IL1RAPL2: variants seen among roughly 807,000 people sequenced by gnomAD.
IL1RAPL2 encodes the protein X-linked interleukin-1 receptor accessory protein-like 2.
A neutral mutation model predicts 44.1 loss-of-function variants in IL1RAPL2; 3 were observed. That is an observed-to-expected ratio of 0.07 (90% CI 0.03 to 0.18). The LOEUF is 0.18. Ranked by LOEUF, IL1RAPL2 falls within the 10% of genes least tolerant of loss-of-function variation. The pLI is 1.00. For synonymous variants in IL1RAPL2, 181 were observed against 178.8 expected, an observed-to-expected ratio of 1.01 and a Z score of -0.10; for missense variants, 391 against 496.4, an observed-to-expected ratio of 0.79 and a Z score of 2.02.
chrX:105,082,985 G>T (rs2032433760), intron 2 of IL1RAPL2, among the ~76,000 whole-genome samples: 1 of 111,132 alleles, frequency 9.0e-6, no homozygotes, highest in African/African-American at 3.3e-5. Flanking sequence ...TTCAGAAGGT[G>T]AGTAATAATG....
intron 3 of IL1RAPL2, chrX:105,220,134 G>A: frequency 8.3e-7 from 1 of 1,211,652 alleles, no homozygotes; most frequent in Non-Finnish European, 1.1e-6. Flanking sequence ...ACCGCACCCT[G>A]TGCCTTTGTA....
intron 2 of IL1RAPL2, among the ~76,000 whole-genome samples, chrX:104,892,567 G>A (rs1858099720): frequency 8.9e-6 from 1 of 111,964 alleles, no homozygotes; most frequent in Admixed American, 9.5e-5. Context: ...AGATTTTCTA[G>A]TTTATTTGTG....
intron 6 of IL1RAPL2, among the ~76,000 whole-genome samples, chrX:105,539,001 A>G (rs778825622): frequency 4.3e-4 from 48 of 111,443 alleles, no homozygotes; most frequent in African/African-American, 1.3e-3. Flanking sequence ...AAAGATCTCT[A>G]TAAGAACTAC....
chrX:104,760,269 C>T (rs1382439958), intron 2 of IL1RAPL2, among the ~76,000 whole-genome samples: 1 of 111,711 alleles, frequency 9.0e-6, no homozygotes, highest in Non-Finnish European at 1.9e-5. Flanking sequence ...CTTGGATATA[C>T]TTATTTCATT....
At position 104,940,995 on chromosome X, in the gene IL1RAPL2, C is replaced by G. The variant is rs140791794; in HGVS notation, c.83-254480C>G. Reference sequence around the variant, plus strand: ...TGTGGTGTTTGGTTTTCTGTCCTTGCAATAGTTTGCTCCATGTCCCTACAA... The same window carrying G: ...TGTGGTGTTTGGTTTTCTGTCCTTGGAATAGTTTGCTCCATGTCCCTACAA... On this transcript the variant is annotated intron_variant, in intron 2 of 10. Transcript: ENST00000372582. Among the ~76,000 whole-genome samples the G allele has an allele frequency of 6.6e-3, 701 of 106,284 alleles. 3 individuals are homozygous for G. Among genetic ancestry groups the G allele is most frequent in the Middle Eastern group, 0.024 (5 of 205 alleles). The allele number at this position is 106,284 out of a possible 115,157, so 92.3% of individuals were successfully genotyped here.
At chrX:104,908,962 C>G (rs1225748136) in intron 2 of IL1RAPL2, among the ~76,000 whole-genome samples, 3 of 110,693 alleles carry the variant, frequency 2.7e-5, no homozygotes, top group South Asian at 3.9e-4. Flanking sequence ...TCCATTCTCC[C>G]CGTCACTTTC....
chrX:104,766,376 TGCC>T (rs67089554), intron 2 of IL1RAPL2, among the ~76,000 whole-genome samples: 41,486 of 105,657 alleles, frequency 0.39, 5,974 homozygotes, highest in East Asian at 0.46. Flanking sequence ...CTGGCCTGCC[TGCC>T]TGCCTGCCTG....
In IL1RAPL2 at chrX:104,566,526, A is replaced by G. The variant is rs772187183; in HGVS notation, c.-545A>G. ...GGTGTTTCGCTCCTGGAGTGTGCCT[A>G]CCTCGCAAGGGGGGCGAGGGCCACA... On this transcript the variant is annotated 5_prime_UTR_variant, in exon 1 of 11. Coordinates refer to ENST00000372582, the MANE Select transcript of IL1RAPL2 (RefSeq NM_017416.2). 5.3e-5 allele frequency: 6 copies of G among 112,725 alleles called. No homozygotes were observed. The highest frequency in any genetic ancestry group is 1.9e-4 in the African/African-American group (6 of 31,057). The allele number at this position is 112,725 out of a possible 1,213,427, so 9.3% of individuals were successfully genotyped here. A position where few individuals can be genotyped will look rare whatever the true frequency, so the allele number is the denominator to read the frequency against.
intron 1 of IL1RAPL2, among the ~76,000 whole-genome samples, chrX:104,615,027 T>A (rs1245473578): frequency 4.5e-5 from 5 of 111,146 alleles, no homozygotes; most frequent in African/African-American, 1.6e-4. Flanking sequence ...TATCATGAAG[T>A]TTTTAGCTGG....
At chrX:105,176,283 G>A (rs1445065816) in intron 2 of IL1RAPL2, among the ~76,000 whole-genome samples, 1 of 111,016 alleles carries the variant, frequency 9.0e-6, no homozygotes, top group Non-Finnish European at 1.9e-5. Flanking sequence ...ATTTCCCAGA[G>A]GGAAAAAGGT....
At chrX:104,582,030 A>G (rs1411836771) in intron 1 of IL1RAPL2, among the ~76,000 whole-genome samples, 1 of 111,955 alleles carries the variant, frequency 8.9e-6, no homozygotes, top group Non-Finnish European at 1.9e-5. Flanking sequence ...CCCTGAGAAG[A>G]CAGAGAACTT....
chrX:105,135,090 T>G (rs754135706), intron 2 of IL1RAPL2, among the ~76,000 whole-genome samples: 1 of 110,696 alleles, frequency 9.0e-6, no homozygotes, highest in East Asian at 2.8e-4. Flanking sequence ...TTGCTATTTG[T>G]CCATCCCATT....
At chrX:104,767,473 T>C (rs1450677597) in intron 2 of IL1RAPL2, among the ~76,000 whole-genome samples, 1 of 111,002 alleles carries the variant, frequency 9.0e-6, no homozygotes, top group Non-Finnish European at 1.9e-5. Context: ...AATGCTGAGG[T>C]TTTTAACAGT....
chrX:104,946,049 C>T (rs1191669604), intron 2 of IL1RAPL2, among the ~76,000 whole-genome samples: 1 of 109,651 alleles, frequency 9.1e-6, no homozygotes, highest in Non-Finnish European at 1.9e-5. Context: ...TCCAAATTAT[C>T]ATTTATTATT....
At chrX:105,219,456 CAGG>C in intron 3 of IL1RAPL2, 1 of 1,210,258 alleles carries the variant, frequency 8.3e-7, no homozygotes, top group Non-Finnish European at 1.1e-6. Flanking sequence ...CAAGGAGCTG[CAGG>C]AGGATTCTCT....
At chrX:105,585,190 A>G (rs1340203297) in intron 6 of IL1RAPL2, among the ~76,000 whole-genome samples, 1 of 110,054 alleles carries the variant, frequency 9.1e-6, no homozygotes, top group African/African-American at 3.3e-5. Context: ...TGTTAATTCT[A>G]TAATTTGGAT....
intron 2 of IL1RAPL2, among the ~76,000 whole-genome samples, chrX:105,019,068 C>T (rs1174484594): frequency 9.0e-6 from 1 of 111,479 alleles, no homozygotes; most frequent in Non-Finnish European, 1.9e-5. Context: ...ATAATGTGTC[C>T]ATGCACTAGG....
intron 2 of IL1RAPL2, among the ~76,000 whole-genome samples, chrX:104,960,961 C>A (rs912668091): frequency 4.5e-5 from 5 of 111,530 alleles, no homozygotes; most frequent in Non-Finnish European, 9.4e-5. Context: ...GCCTATTTTT[C>A]TAACTTTGTT....
intron 5 of IL1RAPL2, among the ~76,000 whole-genome samples, chrX:105,279,472 T>C (rs1274730852): frequency 9.0e-6 from 1 of 111,224 alleles, no homozygotes; most frequent in Non-Finnish European, 1.9e-5. Flanking sequence ...TTTTTATTAT[T>C]TTTTGTTTGT....
Sources: gnomAD v4.1 joint callset for allele counts (sites outside exome capture counted in the v4.1 genomes callset) on GRCh38, gnomAD v4.1.1 for gene constraint, MANE v1.5 for transcripts, NCBI Gene and HGNC (gene_info 2026-07-23, HGNC 2026-07-21) for gene names.